The following DGKG variants were observed in gnomAD, a reference collection of about 807,000 sequenced individuals.
The protein encoded by DGKG is diacylglycerol kinase gamma.
In DGKG, 78 loss-of-function variants were observed where a neutral mutation model predicts 105.3. The observed-to-expected ratio is 0.74, with a 90% confidence interval of 0.62 to 0.89. The LOEUF is 0.89. Ranked by LOEUF, DGKG falls within the 40% of genes least tolerant of loss-of-function variation. DGKG has a pLI of 0.00. For synonymous variants in DGKG, 346 were observed against 367.1 expected (o/e 0.94, Z 0.66); for missense variants, 958 against 1,020.1 (o/e 0.94, Z 0.83).
intron 23 of DGKG, among the ~76,000 whole-genome samples, chr3:186,162,728 G>C (rs1716358980): frequency 6.6e-6 from 1 of 152,010 alleles, no homozygotes; most frequent in East Asian, 1.9e-4. Flanking sequence ...ATTTTTAGTA[G>C]AGACAGGGTT....
intron 10 of DGKG, among the ~76,000 whole-genome samples, chr3:186,275,188 T>A (rs1035118308): frequency 6.6e-6 from 1 of 152,198 alleles, no homozygotes; most frequent in African/African-American, 2.4e-5. Context: ...CCCAAATGCT[T>A]ATTAATTTTT....
intron 20 of DGKG, among the ~76,000 whole-genome samples, chr3:186,212,508 G>A (rs1203221420): frequency 6.6e-6 from 1 of 152,158 alleles, no homozygotes; most frequent in Non-Finnish European, 1.5e-5. Context: ...AAATGTATTT[G>A]CTTAGGCCAT....
At chr3:186,326,534 T>C (rs34549062) in intron 1 of DGKG, among the ~76,000 whole-genome samples, 44,487 of 151,770 alleles carry the variant, frequency 0.29, 6,756 homozygotes, top group Middle Eastern at 0.37. Flanking sequence ...GCAAAGTCAA[T>C]TGTAGCCTTC....
intron 18 of DGKG, 77 bp from the exon 19 acceptor site, chr3:186,251,996 C>A (rs751648376): frequency 7.2e-7 from 1 of 1,394,700 alleles, no homozygotes; most frequent in Admixed American, 2.4e-5. Flanking sequence ...GTTGTCAGGG[C>A]AGGTAAGCCC....
At chr3:186,315,247 T>C (rs890335132) in intron 2 of DGKG, among the ~76,000 whole-genome samples, 5 of 152,218 alleles carry the variant, frequency 3.3e-5, no homozygotes, top group African/African-American at 7.2e-5. Context: ...GTAATTAATG[T>C]ATTCCACACT....
chr3:186,249,820 G>A (rs570985696), intron 19 of DGKG, among the ~76,000 whole-genome samples: 1 of 150,362 alleles, frequency 6.7e-6, no homozygotes, highest in African/African-American at 2.5e-5. Context: ...GTGACAGAGT[G>A]AGACTCGTCT....
intron 2 of DGKG, among the ~76,000 whole-genome samples, chr3:186,308,121 G>T (rs1361536303): frequency 6.6e-6 from 1 of 152,086 alleles, no homozygotes; most frequent in African/African-American, 2.4e-5. Context: ...TACTTTGGAA[G>T]GGGATAAAGA....
chr3:186,148,564 A>G lies in DGKG; in HGVS notation c.*1526T>C. On this transcript the variant is annotated 3_prime_UTR_variant, in exon 25 of 25. Coordinates refer to ENST00000265022, the MANE Select transcript of DGKG (RefSeq NM_001346.3). ...TGGACTCACTTTTCAGTGACCAGAA[A>G]TGACCCTACTCTGAGATGTGTGGGT... 1 of 985,412 alleles carries G rather than the reference A, an allele frequency of 1.0e-6. No individual in the cohort carries two copies. The highest frequency in any genetic ancestry group is 1.2e-6 in the Non-Finnish European group (1 of 829,944). The allele number at this position is 985,412 out of a possible 1,614,324, so 61.0% of individuals were successfully genotyped here. A position where few individuals can be genotyped will look rare whatever the true frequency, so the allele number is the denominator to read the frequency against.
intron 3 of DGKG, among the ~76,000 whole-genome samples, chr3:186,302,835 G>T (rs1724045079): frequency 6.6e-6 from 1 of 152,036 alleles, no homozygotes; most frequent in African/African-American, 2.4e-5. Context: ...TGAGAACTTA[G>T]AAAATAATAC....
chr3:186,181,261 G>C (rs967462657), intron 22 of DGKG, among the ~76,000 whole-genome samples: 7 of 152,348 alleles, frequency 4.6e-5, no homozygotes, highest in African/African-American at 1.7e-4. Context: ...CCTGGCACGT[G>C]GTGGGGGCTT....
chr3:186,300,733 G>C (rs892816217), intron 3 of DGKG, among the ~76,000 whole-genome samples: 2 of 152,150 alleles, frequency 1.3e-5, no homozygotes, highest in Non-Finnish European at 2.9e-5. Flanking sequence ...AAAGCAGACT[G>C]TACTAAATGA....
At chr3:186,265,110 C>A (rs1223741764) in intron 14 of DGKG, 137 bp downstream of exon 14, 1 of 744,450 alleles carries the variant, frequency 1.3e-6, no homozygotes. Flanking sequence ...CAAATAAATG[C>A]CCTCCTGGGT....
chr3:186,193,217 C>G (rs996797346), intron 21 of DGKG, among the ~76,000 whole-genome samples: 2 of 152,164 alleles, frequency 1.3e-5, no homozygotes, highest in East Asian at 1.9e-4. Flanking sequence ...TTGGAAAGAA[C>G]GTGCCTGCCT....
At chr3:186,357,446 G>C (rs1406137736) in intron 1 of DGKG, among the ~76,000 whole-genome samples, 1 of 141,632 alleles carries the variant, frequency 7.1e-6, no homozygotes, top group Non-Finnish European at 1.5e-5. Context: ...AAGAGAAAAG[G>C]CTTTGAAATC....
At chr3:186,315,993 G>C (rs1192032294) in intron 2 of DGKG, among the ~76,000 whole-genome samples, 1 of 152,234 alleles carries the variant, frequency 6.6e-6, no homozygotes, top group Non-Finnish European at 1.5e-5. Context: ...AGATTTCCAG[G>C]TTACCCTGCT....
At chr3:186,256,229 C>T (rs908488272) in intron 17 of DGKG, among the ~76,000 whole-genome samples, 11 of 152,162 alleles carry the variant, frequency 7.2e-5, no homozygotes, top group East Asian at 1.9e-4. Flanking sequence ...GCAACCAAAG[C>T]GCCCGGGGGA....
At chr3:186,318,996 T>C (rs1056625887) in intron 2 of DGKG, among the ~76,000 whole-genome samples, 1 of 152,216 alleles carries the variant, frequency 6.6e-6, no homozygotes, top group African/African-American at 2.4e-5. Flanking sequence ...CCTAACAAGA[T>C]TCTGATTCCT....
intron 1 of DGKG, among the ~76,000 whole-genome samples, chr3:186,352,320 T>C (rs1017036238): frequency 3.3e-5 from 5 of 152,166 alleles, no homozygotes; most frequent in Non-Finnish European, 7.3e-5. Context: ...GAGATGTTTC[T>C]TTCCCTTATT....
chr3:186,314,726 G>C, intron 2 of DGKG, among the ~76,000 whole-genome samples: 1 of 145,070 alleles, frequency 6.9e-6, no homozygotes. Context: ...TGCACTCCAG[G>C]CTAGGTGACA....
Sources: gnomAD v4.1 joint callset for allele counts (sites outside exome capture counted in the v4.1 genomes callset) on GRCh38, gnomAD v4.1.1 for gene constraint, MANE v1.5 for transcripts, NCBI Gene and HGNC (gene_info 2026-07-23, HGNC 2026-07-21) for gene names.